PALM2AKAP2: variants seen among roughly 807,000 people sequenced by gnomAD.
PALM2AKAP2 encodes the protein PALM2-AKAP2 fusion protein.
PALM2AKAP2 carries 37 observed loss-of-function variants against 71.5 expected under a neutral mutation model. That is an observed-to-expected ratio of 0.52 (90% confidence interval 0.40 to 0.68). The LOEUF is 0.68. Ranked by LOEUF, PALM2AKAP2 falls within the 30% of genes least tolerant of loss-of-function variation. The pLI is 0.00. For missense variants in PALM2AKAP2, 1,224 were observed against 1,191.8 expected (o/e 1.03, Z -0.40); for synonymous variants, 468 against 478.8 (o/e 0.98, Z 0.29).
chr9:109,825,284 A>C (rs1362705351), intron 1 of PALM2AKAP2, among the ~76,000 whole-genome samples: 1 of 152,230 alleles, frequency 6.6e-6, no homozygotes, highest in East Asian at 1.9e-4. Flanking sequence ...GCAATATCTC[A>C]TTCAGGACAT....
At chr9:109,907,789 CAGTT>C (rs1458485615) in intron 3 of PALM2AKAP2, among the ~76,000 whole-genome samples, 2 of 152,182 alleles carry the variant, frequency 1.3e-5, no homozygotes, top group African/African-American at 4.8e-5. Flanking sequence ...ACGGAAAACA[CAGTT>C]AGCAAAAAAC....
chr9:109,894,498 G>A (rs2131825180), intron 3 of PALM2AKAP2, among the ~76,000 whole-genome samples: 1 of 152,260 alleles, frequency 6.6e-6, no homozygotes, highest in Admixed American at 6.5e-5. Flanking sequence ...TTTATTACCA[G>A]TCTGTGACAA....
At chr9:110,038,206 C>T (rs1347467231) in intron 7 of PALM2AKAP2, among the ~76,000 whole-genome samples, 1 of 151,964 alleles carries the variant, frequency 6.6e-6, no homozygotes, top group Non-Finnish European at 1.5e-5. Flanking sequence ...CCAGGTGAGG[C>T]AGCACACACC....
intron 6 of PALM2AKAP2, among the ~76,000 whole-genome samples, chr9:109,938,416 G>C (rs1414380220): frequency 6.6e-6 from 1 of 152,104 alleles, no homozygotes; most frequent in African/African-American, 2.4e-5. Flanking sequence ...ACACTCTTAA[G>C]TGTGATTTGT....
At chr9:110,072,922 A>G (rs1217506562) in intron 1 of PALM2AKAP2, among the ~76,000 whole-genome samples, 1 of 152,138 alleles carries the variant, frequency 6.6e-6, no homozygotes, top group Non-Finnish European at 1.5e-5. Flanking sequence ...GCACGTGACC[A>G]TTTTGATTCT....
At chr9:109,792,773 C>T (rs796521174) in intron 1 of PALM2AKAP2, among the ~76,000 whole-genome samples, 5 of 152,194 alleles carry the variant, frequency 3.3e-5, no homozygotes, top group African/African-American at 9.6e-5. Context: ...CAGCCTGGGT[C>T]GTCTTTTCAC....
chr9:110,111,672 G>A (rs1835256381), intron 1 of PALM2AKAP2, among the ~76,000 whole-genome samples: 1 of 152,142 alleles, frequency 6.6e-6, no homozygotes, highest in African/African-American at 2.4e-5. Context: ...TCACCAATGT[G>A]GAGAGTATGG....
intron 6 of PALM2AKAP2, among the ~76,000 whole-genome samples, chr9:109,947,630 G>A (rs1831540950): frequency 6.6e-6 from 1 of 152,138 alleles, no homozygotes; most frequent in Non-Finnish European, 1.5e-5. Context: ...AATAAGCATC[G>A]AGGACTTTTT....
At chr9:109,833,498 C>T (rs1828368237) in intron 1 of PALM2AKAP2, among the ~76,000 whole-genome samples, 1 of 152,190 alleles carries the variant, frequency 6.6e-6, no homozygotes, top group South Asian at 2.1e-4. Context: ...GAATACCCTT[C>T]AGGGCCAAGC....
At chr9:110,052,752 T>C (rs947713438) in intron 1 of PALM2AKAP2, among the ~76,000 whole-genome samples, 2 of 152,206 alleles carry the variant, frequency 1.3e-5, no homozygotes, top group African/African-American at 2.4e-5. Flanking sequence ...GGTTGACTGG[T>C]GGTGAATGTG....
chr9:109,769,951 C>G (rs1829231161), intron 1 of PALM2AKAP2, among the ~76,000 whole-genome samples: 1 of 152,000 alleles, frequency 6.6e-6, no homozygotes, highest in African/African-American at 2.4e-5. Context: ...GAACTAAAGG[C>G]TGGGTAGACA....
chr9:109,733,639 C>T (rs1253109727), intron 1 of PALM2AKAP2, among the ~76,000 whole-genome samples: 1 of 152,202 alleles, frequency 6.6e-6, no homozygotes, highest in African/African-American at 2.4e-5. Context: ...CAGTTTATAA[C>T]CCTATGGCCT....
chr9:109,700,192 T>C (rs1165540991), intron 1 of PALM2AKAP2, among the ~76,000 whole-genome samples: 2 of 152,146 alleles, frequency 1.3e-5, no homozygotes, highest in African/African-American at 4.8e-5. Flanking sequence ...TCATCTTGAA[T>C]TGTAGCTCCC....
intron 7 of PALM2AKAP2, among the ~76,000 whole-genome samples, chr9:110,029,682 A>T (rs957165719): frequency 1.3e-5 from 2 of 152,194 alleles, no homozygotes; most frequent in African/African-American, 4.8e-5. Flanking sequence ...GCAAGTACCA[A>T]AGTCTATGAC....
intron 1 of PALM2AKAP2, among the ~76,000 whole-genome samples, chr9:110,082,489 C>T (rs1338218951): frequency 6.6e-6 from 1 of 152,160 alleles, no homozygotes; most frequent in Non-Finnish European, 1.5e-5. Context: ...AGTTTTGTGT[C>T]AGAACCCTTT....
At chr9:109,945,273 A>T (rs1831477371) in intron 6 of PALM2AKAP2, 1 of 150,758 alleles carries the variant, frequency 6.6e-6, no homozygotes, top group South Asian at 2.1e-4. Context: ...CTATACATAA[A>T]CAGAAAACGT....
intron 6 of PALM2AKAP2, among the ~76,000 whole-genome samples, chr9:109,938,776 C>T (rs1432111064): frequency 6.6e-6 from 1 of 152,198 alleles, no homozygotes; most frequent in Non-Finnish European, 1.5e-5. Context: ...CGCCTGTAAT[C>T]TCAGCACTTT....
chr9:109,663,155 AT>A (rs1197099195), intron 1 of PALM2AKAP2, among the ~76,000 whole-genome samples: 1 of 152,142 alleles, frequency 6.6e-6, no homozygotes, highest in East Asian at 1.9e-4. Flanking sequence ...GGATTCATTG[AT>A]TTTTTGAAAG....
chr9:110,094,821 C>G (rs1834799057), intron 1 of PALM2AKAP2, among the ~76,000 whole-genome samples: 1 of 152,132 alleles, frequency 6.6e-6, no homozygotes. Context: ...TCTTCTCACT[C>G]TTCTGCAAAA....
Sources: allele counts gnomAD v4.1 joint callset (sites outside exome capture counted in the v4.1 genomes callset), GRCh38; gene constraint gnomAD v4.1.1; transcripts MANE v1.5; gene names NCBI Gene and HGNC (gene_info 2026-07-23, HGNC 2026-07-21).